Variants in MICU2 observed in about 807,000 individuals in gnomAD.
MICU2 encodes the protein calcium uptake protein 2, mitochondrial.
MICU2 carries 64 observed loss-of-function variants against 60.4 expected under a neutral mutation model. The observed-to-expected ratio is 1.06, with a 90% CI of 0.87 to 1.31. MICU2 has a LOEUF of 1.31. Ranked by LOEUF, MICU2 falls within the 50% of genes most tolerant of loss-of-function variation. The pLI is 0.00. For missense variants in MICU2, 569 were observed against 531.0 expected (o/e 1.07, Z -0.70); for synonymous variants, 201 against 175.0 (o/e 1.15, Z -1.17).
chr13:21,587,092 C>G (rs1888476676), intron 1 of MICU2, among the ~76,000 whole-genome samples: 1 of 152,208 alleles, frequency 6.6e-6, no homozygotes, highest in Non-Finnish European at 1.5e-5. Flanking sequence ...TGCACCCTCT[C>G]TTCCTTCCTC....
At chr13:21,584,342 T>A (rs1888413926) in intron 1 of MICU2, among the ~76,000 whole-genome samples, 1 of 145,576 alleles carries the variant, frequency 6.9e-6, no homozygotes, top group Admixed American at 6.9e-5. Flanking sequence ...TGAGCCGAGA[T>A]CACACCACTG....
intron 6 of MICU2, among the ~76,000 whole-genome samples, chr13:21,520,179 T>C (rs1025872638): frequency 1.3e-4 from 20 of 152,220 alleles, no homozygotes; most frequent in Non-Finnish European, 2.5e-4. Context: ...TTCTATTGTA[T>C]GGATCCTATT....
At chr13:21,563,245 C>G (rs146084751) in intron 2 of MICU2, among the ~76,000 whole-genome samples, 3,572 of 151,964 alleles carry the variant, frequency 0.024, 144 homozygotes, top group African/African-American at 0.08. Flanking sequence ...CATGAGGTCA[C>G]GAGATCGAGA....
At chr13:21,547,854 C>G (rs527449508) in intron 2 of MICU2, among the ~76,000 whole-genome samples, 1 of 152,052 alleles carries the variant, frequency 6.6e-6, no homozygotes, top group African/African-American at 2.4e-5. Flanking sequence ...GCCTCTGGTA[C>G]TTCTTAGAGA....
At chr13:21,509,422 G>A (rs1038052292) in intron 8 of MICU2, among the ~76,000 whole-genome samples, 14 of 152,208 alleles carry the variant, frequency 9.2e-5, no homozygotes, top group Non-Finnish European at 1.8e-4. Flanking sequence ...GAGTTGTGTA[G>A]TTGTGACAGA....
chr13:21,531,194 A>G (rs1886989234), intron 4 of MICU2: 1 of 948,778 alleles, frequency 1.1e-6, no homozygotes, highest in Non-Finnish European at 1.7e-6. Flanking sequence ...TTCTTAATAA[A>G]GCATTAGAGT....
At chr13:21,572,828 C>T (rs1186011989) in intron 1 of MICU2, among the ~76,000 whole-genome samples, 1 of 152,078 alleles carries the variant, frequency 6.6e-6, no homozygotes, top group Non-Finnish European at 1.5e-5. Context: ...AACCAATCAA[C>T]AGGCCCAGGT....
At chr13:21,567,053 A>C (rs963734654) in intron 1 of MICU2, 109 bp from the exon 2 acceptor site, 16 of 895,114 alleles carry the variant, frequency 1.8e-5, no homozygotes, top group Middle Eastern at 3.4e-4. Flanking sequence ...CAATCCCCAA[A>C]CTTTTAAAAT....
At chr13:21,543,952 A>G (rs1048703296) in intron 2 of MICU2, among the ~76,000 whole-genome samples, 40 of 152,164 alleles carry the variant, frequency 2.6e-4, no homozygotes, top group Non-Finnish European at 7.4e-5. Flanking sequence ...ACAGCATGGT[A>G]TGGCATAAAA....
chr13:21,518,529 GTCCAGTAAT>G (rs1886637894), intron 6 of MICU2, among the ~76,000 whole-genome samples: 1 of 152,098 alleles, frequency 6.6e-6, no homozygotes, highest in South Asian at 2.1e-4. Flanking sequence ...TGTACAGTGG[GTCCAGTAAT>G]TCCAAGATTT....
intron 4 of MICU2, among the ~76,000 whole-genome samples, chr13:21,525,734 C>T (rs1360802833): frequency 6.6e-6 from 1 of 151,764 alleles, no homozygotes; most frequent in Non-Finnish European, 1.5e-5. Flanking sequence ...GAAATTTCTA[C>T]TTGAGTCCTT....
At chr13:21,557,573 T>C (rs1468992886) in intron 2 of MICU2, among the ~76,000 whole-genome samples, 2 of 152,248 alleles carry the variant, frequency 1.3e-5, no homozygotes, top group African/African-American at 4.8e-5. Flanking sequence ...ACATACTACG[T>C]AAAAATGAGT....
chr13:21,522,683 CT>C, intron 4 of MICU2, 33 bp from the exon 5 acceptor site: 1 of 1,511,140 alleles, frequency 6.6e-7, no homozygotes, highest in African/African-American at 1.4e-5. Flanking sequence ...AGAAAATAAG[CT>C]TTAGATGGTT....
chr13:21,551,872 C>T (rs1462102675), intron 2 of MICU2, among the ~76,000 whole-genome samples: 19 of 151,908 alleles, frequency 1.3e-4, no homozygotes, highest in South Asian at 4.2e-4. Flanking sequence ...TTTGCTATTG[C>T]GAATAGTGCC....
chr13:21,571,863 C>A (rs1888119351), intron 1 of MICU2, among the ~76,000 whole-genome samples: 1 of 152,192 alleles, frequency 6.6e-6, no homozygotes, highest in African/African-American at 2.4e-5. Flanking sequence ...GGTCTTTGAG[C>A]TATGTGACAA....
At chr13:21,504,647 G>A (rs1593315402) in intron 8 of MICU2, among the ~76,000 whole-genome samples, 1 of 152,148 alleles carries the variant, frequency 6.6e-6, no homozygotes, top group Non-Finnish European at 1.5e-5. Context: ...CAGACACATT[G>A]TGAACAAATT....
intron 7 of MICU2, among the ~76,000 whole-genome samples, chr13:21,511,534 T>A (rs1886427507): frequency 6.6e-6 from 1 of 152,136 alleles, no homozygotes; most frequent in African/African-American, 2.4e-5. Context: ...TAAGAAACAA[T>A]ACAAAAAGAT....
At chr13:21,509,761 G>T (rs1362212635) in intron 8 of MICU2, among the ~76,000 whole-genome samples, 1 of 152,162 alleles carries the variant, frequency 6.6e-6, no homozygotes, top group Admixed American at 6.5e-5. Context: ...TTACTAAAAA[G>T]AATTATTGTA....
At chr13:21,510,626 A>G (rs963981901) in intron 7 of MICU2, among the ~76,000 whole-genome samples, 3 of 152,174 alleles carry the variant, frequency 2.0e-5, no homozygotes, top group Admixed American at 6.6e-5. Context: ...AACTGCTAAA[A>G]AAAAGAAAAA....
Sources: allele counts gnomAD v4.1 joint callset (sites outside exome capture counted in the v4.1 genomes callset), GRCh38; gene constraint gnomAD v4.1.1; transcripts MANE v1.5; gene names NCBI Gene and HGNC (gene_info 2026-07-23, HGNC 2026-07-21).